The following EBF4 variants were observed in gnomAD, a reference collection of about 807,000 sequenced individuals.
The protein encoded by EBF4 is transcription factor COE4.
In EBF4, 34 loss-of-function variants were observed where a neutral mutation model predicts 67.1. The observed-to-expected ratio is 0.51, with a 90% CI of 0.39 to 0.67. EBF4 has a LOEUF of 0.67. Among genes scored for constraint, EBF4 ranks in the 30% least tolerant of loss-of-function variants. EBF4 has a pLI of 0.00. For synonymous variants in EBF4, 387 were observed against 377.7 expected (o/e 1.02, Z -0.29); for missense variants, 837 against 873.3 (o/e 0.96, Z 0.52).
intron 14 of EBF4, among the ~76,000 whole-genome samples, chr20:2,754,775 C>T (rs1443856610): frequency 6.6e-6 from 1 of 152,176 alleles, no homozygotes; most frequent in Non-Finnish European, 1.5e-5. Context: ...TGCCCCAGGC[C>T]TGAGCCCCCA....
chr20:2,702,813 T>A (rs569834048), intron 1 of EBF4, among the ~76,000 whole-genome samples: 22 of 152,278 alleles, frequency 1.4e-4, no homozygotes, highest in African/African-American at 5.1e-4. Context: ...CCCATCCTGG[T>A]CACTCCCCTG....
At chr20:2,714,899 G>T (rs935557531) in intron 6 of EBF4, among the ~76,000 whole-genome samples, 3 of 151,734 alleles carry the variant, frequency 2.0e-5, no homozygotes, top group Non-Finnish European at 4.4e-5. Context: ...GTATTTAGAT[G>T]GTTTCATTGT....
intron 6 of EBF4, among the ~76,000 whole-genome samples, chr20:2,726,807 T>G (rs181481659): frequency 6.6e-6 from 1 of 152,258 alleles, no homozygotes; most frequent in East Asian, 1.9e-4. Flanking sequence ...TAACGTAAAA[T>G]TTTCCATCTT....
At chr20:2,716,744 A>T (rs2087616019) in intron 6 of EBF4, among the ~76,000 whole-genome samples, 1 of 152,126 alleles carries the variant, frequency 6.6e-6, no homozygotes, top group African/African-American at 2.4e-5. Context: ...ATCCTTTCCC[A>T]CTGAGTTGTA....
chr20:2,723,395 G>A (rs1364146539), intron 6 of EBF4, among the ~76,000 whole-genome samples: 1 of 151,794 alleles, frequency 6.6e-6, no homozygotes, highest in East Asian at 1.9e-4. Flanking sequence ...CTGTCGCCCA[G>A]GCTGGAGTGC....
In EBF4 at chr20:2,740,262, G is replaced by A. The variant is rs955777859; in HGVS notation, c.558-8287G>A. Among the ~76,000 whole-genome samples, 8 of 152,120 alleles carry A rather than the reference G, an allele frequency of 5.3e-5. No individual in the cohort carries two copies. The East Asian group carries it at 7.7e-4, about 15-fold the overall frequency. On this transcript the variant is annotated intron_variant, in intron 6 of 16. Coordinates refer to ENST00000609451, the Ensembl canonical transcript of EBF4. Reference sequence around the variant, plus strand: ...CAGGAGGTGGAGGTTGCAGTGAGCCGAGATCACGCCACTGCACTCCAGCCT... The same window carrying A: ...CAGGAGGTGGAGGTTGCAGTGAGCCAAGATCACGCCACTGCACTCCAGCCT...
In EBF4 at chr20:2,696,933, G is replaced by A. The variant is rs2087297295; in HGVS notation, c.137+3151G>A. ...CAAGGGTAGCGGTCCGTTCATCCTT[G>A]TGTCCACAGCACCCAGGGCAGGCTC... On this transcript the variant is annotated intron_variant, in intron 1 of 16. Transcript: ENST00000609451. This position sits in a 1 kb window ranked among gnomAD's most constrained non-coding sequence, Gnocchi z 4.7. Among the ~76,000 whole-genome samples the A allele has an allele frequency of 6.6e-6, 1 of 152,192 alleles. No homozygotes were observed. Among genetic ancestry groups the A allele is most frequent in the African/African-American group, 2.4e-5 (1 of 41,454 alleles).
chr20:2,696,864 G>A lies in EBF4; in HGVS notation c.137+3082G>A, dbSNP rs930780144. Among the ~76,000 whole-genome samples the A allele has an allele frequency of 6.6e-6, 1 of 152,130 alleles. No individual in the cohort carries two copies. Among genetic ancestry groups the A allele is most frequent in the South Asian group, 2.1e-4 (1 of 4,832 alleles). Reference sequence around the variant, plus strand: ...GGCCAGCATCTGCTCTCCTCTGCCTGTCCCGGTCCTCCTTGCCCTGCCAGC... The same window carrying A: ...GGCCAGCATCTGCTCTCCTCTGCCTATCCCGGTCCTCCTTGCCCTGCCAGC... On this transcript the variant is annotated intron_variant, in intron 1 of 16. Transcript: ENST00000609451. The surrounding 1 kb of genome is among the most constrained non-coding windows in gnomAD (Gnocchi z 4.7).
At position 2,707,896 on chromosome 20, in the gene EBF4, ACCTCAGAGGAGCCTCCTTCC is replaced by A; in HGVS notation, c.415-46_415-27del. On this transcript the variant is annotated intron_variant, in intron 4 of 16. Coordinates refer to ENST00000609451, the Ensembl canonical transcript of EBF4. This position sits in a 1 kb window ranked among gnomAD's most constrained non-coding sequence, Gnocchi z 4.6. ...CAGGTCCGTCTGTGCTGCCACCTGCACCTCAGAGGAGCCTCCTTCCCCTCCAGCCTGTGCACCTCCCTCTC... is the reference window on the plus strand; with the variant it reads ...CAGGTCCGTCTGTGCTGCCACCTGCACCTCCAGCCTGTGCACCTCCCTCTC... The A allele has an allele frequency of 6.6e-7, 1 of 1,512,626 alleles. No individual in the cohort carries two copies. Among genetic ancestry groups the A allele is most frequent in the Non-Finnish European group, 8.9e-7 (1 of 1,119,326 alleles). 93.7% of individuals were successfully genotyped at this position (1,512,626 alleles called of 1,614,324 possible).
chr20:2,755,624 G>C lies in EBF4; in HGVS notation c.1541-3G>C. The C allele has an allele frequency of 1.6e-6, 2 of 1,249,298 alleles. No individual in the cohort carries two copies. Among genetic ancestry groups the C allele is most frequent in the Non-Finnish European group, 2.2e-6 (2 of 903,334 alleles). The allele number at this position is 1,249,298 out of a possible 1,614,324, so 77.4% of individuals were successfully genotyped here. Reference sequence around the variant, plus strand: ...GCCTGCCCCTCCCCGCCCCGCCCCGGAGTCATGCCCTCTAGCCCCCCGCTG... The same window carrying C: ...GCCTGCCCCTCCCCGCCCCGCCCCGCAGTCATGCCCTCTAGCCCCCCGCTG... On this transcript the variant is annotated splice_polypyrimidine_tract_variant and splice_region_variant and intron_variant, in intron 14 of 16. Coordinates refer to ENST00000609451, the Ensembl canonical transcript of EBF4. This position sits in a 1 kb window ranked among gnomAD's most constrained non-coding sequence, Gnocchi z 4.7.
At chr20:2,754,317 GT>G (rs1382821972) in intron 14 of EBF4, among the ~76,000 whole-genome samples, 1 of 152,128 alleles carries the variant, frequency 6.6e-6, no homozygotes, top group Non-Finnish European at 1.5e-5. Flanking sequence ...CTCAGGGGCT[GT>G]TTGCTTGGGT....
chr20:2,736,457 C>A (rs1453823361), intron 6 of EBF4, among the ~76,000 whole-genome samples: 6 of 152,172 alleles, frequency 3.9e-5, no homozygotes, highest in Non-Finnish European at 1.5e-5. Flanking sequence ...AGCCCCCTTC[C>A]TAATCCACTG....
At chr20:2,737,410 G>T (rs562185969) in intron 6 of EBF4, among the ~76,000 whole-genome samples, 2 of 152,104 alleles carry the variant, frequency 1.3e-5, no homozygotes, top group Non-Finnish European at 2.9e-5. Context: ...GAGTTATTGA[G>T]GGCTGGGGAC....
Position 2,707,783 on chromosome 20 carries a change from T to C in EBF4, c.415-164T>C, listed in dbSNP as rs2087479296. 1.3e-5 allele frequency among the ~76,000 whole-genome samples: 2 copies of C among 151,982 alleles called. No individual in the cohort carries two copies. Among genetic ancestry groups the C allele is most frequent in the African/African-American group, 4.8e-5 (2 of 41,394 alleles). ...TGGTGGTCCGGTTTGGGAGGAGGGG[T>C]TATCCCCCGCCTGGGCAGCCCAGAG... On this transcript the variant is annotated intron_variant, in intron 4 of 16. Coordinates refer to ENST00000609451, the Ensembl canonical transcript of EBF4. This position sits in a 1 kb window ranked among gnomAD's most constrained non-coding sequence, Gnocchi z 4.6.
At chr20:2,730,685 C>T (rs2087801936) in intron 6 of EBF4, among the ~76,000 whole-genome samples, 2 of 152,230 alleles carry the variant, frequency 1.3e-5, no homozygotes, top group African/African-American at 2.4e-5. Flanking sequence ...CATGAGCACA[C>T]ATACATGAAG....
intron 14 of EBF4, among the ~76,000 whole-genome samples, chr20:2,754,620 C>T (rs2088208079): frequency 6.6e-6 from 1 of 152,200 alleles, no homozygotes; most frequent in Admixed American, 6.5e-5. Flanking sequence ...GCAGCCTTCT[C>T]AGGCTATTGC....
At chr20:2,705,784 ACCAC>A (rs2087445994) in intron 2 of EBF4, 51 bp downstream of exon 2, 8 of 898,154 alleles carry the variant, frequency 8.9e-6, no homozygotes, top group Admixed American at 3.1e-5. Context: ...GGAACCCCCA[ACCAC>A]ACACACACAC....
intron 1 of EBF4, among the ~76,000 whole-genome samples, chr20:2,694,022 G>C (rs1305381861): frequency 6.6e-6 from 1 of 152,194 alleles, no homozygotes; most frequent in Non-Finnish European, 1.5e-5. Context: ...ACGGCCGCTC[G>C]CGGGTGCGGC....
At position 2,749,524 on chromosome 20, in the gene EBF4, G is replaced by C; in HGVS notation, c.757+6G>C. ...CCGCCTGGACCCCTCCGAAGGTCAG[G>C]ACCCCCGGCCCAGCCCCGGCCGCCG... On this transcript the variant is annotated splice_donor_region_variant and intron_variant, in intron 8 of 16. Transcript: ENST00000609451. The C allele has an allele frequency of 6.5e-7, 1 of 1,544,624 alleles. No homozygotes were observed. The highest frequency in any genetic ancestry group is 1.2e-5 in the South Asian group (1 of 83,658).
Sources: gnomAD v4.1 joint callset for allele counts (sites outside exome capture counted in the v4.1 genomes callset) on GRCh38, gnomAD v4.1.1 for gene constraint, Gnocchi (gnomAD v3.1) non-coding constraint, MANE v1.5 for transcripts, NCBI Gene and HGNC (gene_info 2026-07-23, HGNC 2026-07-21) for gene names.